Variants in FAM107A observed in about 807,000 individuals in gnomAD.
FAM107A encodes the protein family with sequence similarity 107 member A.
In FAM107A, 19 loss-of-function variants were observed where a neutral mutation model predicts 13.7. The ratio of observed to expected loss-of-function variants is 1.38; its 90% CI spans 0.97 to 2.03. The LOEUF (loss-of-function observed/expected upper bound fraction) is 2.03. FAM107A is among the 30% of genes most tolerant of loss of function. FAM107A has a pLI of 0.00. For synonymous variants in FAM107A, 82 were observed against 74.5 expected (o/e 1.10, Z -0.52); for missense variants, 203 against 184.4 (o/e 1.10, Z -0.58).
At position 58,569,250 on chromosome 3, in the gene FAM107A, G is replaced by A. The variant is rs1243868507; in HGVS notation, c.170+441C>T. Among the ~76,000 whole-genome samples the A allele has an allele frequency of 2.0e-5, 3 of 152,310 alleles. No homozygotes were observed. The highest frequency in any genetic ancestry group is 4.4e-5 in the Non-Finnish European group (3 of 68,018). On this transcript the variant is annotated intron_variant, in intron 2 of 3. Transcript: ENST00000360997. The surrounding 1 kb of genome is among the most constrained non-coding windows in gnomAD (Gnocchi z 5.7). Reference sequence around the variant, plus strand: ...GCTGAGGCAGCACCGCTCCTGTGAAGTCATTTTAGACCCCTCTCGGGTTCC... The same window carrying A: ...GCTGAGGCAGCACCGCTCCTGTGAAATCATTTTAGACCCCTCTCGGGTTCC...
In FAM107A at chr3:58,567,246, C is replaced by G; in HGVS notation, c.289G>C (p.Glu97Gln). ...TGCTGCCGTCTCAGCAGCTCCTGCT[C>G]AAAGGGGCACTGCAGCCGCTTGGCT... ...LEAKRLQCPFEQELLRRQQRL... is the reference protein window; with the variant it reads ...LEAKRLQCPFQQELLRRQQRL... Residue 97 changes from glutamate to glutamine, a missense_variant, in exon 3 of 4, where the codon GAG becomes CAG. Physicochemically the swap from Glu to Gln is conservative, Grantham distance 29. Transcript: ENST00000360997. 6.2e-7 allele frequency: 1 copy of G among 1,614,172 alleles called. No individual in the cohort carries two copies. Among genetic ancestry groups the G allele is most frequent in the Non-Finnish European group, 8.5e-7 (1 of 1,180,020 alleles).
intron 1 of FAM107A, among the ~76,000 whole-genome samples, chr3:58,596,841 C>T (rs763895377): frequency 2.3e-4 from 35 of 152,156 alleles, no homozygotes; most frequent in Admixed American, 7.2e-4. Flanking sequence ...TCAAGACTGA[C>T]TGCACCCCAG....
chr3:58,612,803 G>C (rs1334440638), intron 1 of FAM107A, among the ~76,000 whole-genome samples: 1 of 152,178 alleles, frequency 6.6e-6, no homozygotes, highest in Non-Finnish European at 1.5e-5. Flanking sequence ...ATTGTGGAAA[G>C]TATTGGAAAA....
chr3:58,627,049 C>A, intron 1 of FAM107A: 1 of 1,525,146 alleles, frequency 6.6e-7, no homozygotes, highest in Non-Finnish European at 8.8e-7. Flanking sequence ...CTGGGGTCCT[C>A]CCTGCTGGCG....
intron 1 of FAM107A, among the ~76,000 whole-genome samples, chr3:58,618,681 G>C (rs995347036): frequency 6.6e-6 from 1 of 152,234 alleles, no homozygotes; most frequent in Non-Finnish European, 1.5e-5. Flanking sequence ...CCCAAGGCCC[G>C]AGGATGGGGG....
chr3:58,586,979 C>T (rs1208260769), exon 1 of FAM107A: 5 of 1,494,990 alleles, frequency 3.3e-6, no homozygotes, highest in Non-Finnish European at 4.4e-6. Context: ...GCTGGCCCCG[C>T]GAGCGCACAG....
At chr3:58,574,733 A>T (rs976143189) in intron 1 of FAM107A, among the ~76,000 whole-genome samples, 2 of 152,156 alleles carry the variant, frequency 1.3e-5, no homozygotes, top group Non-Finnish European at 2.9e-5. Context: ...GGGTGGGGAT[A>T]ATAAGGGGTC....
Position 58,564,909 on chromosome 3 carries a change from A to AG in FAM107A, c.*1678_*1679insC, listed in dbSNP as rs1289179539. 1 of 152,288 alleles carries AG rather than the reference A, an allele frequency of 6.6e-6. No individual in the cohort carries two copies. The highest frequency in any genetic ancestry group is 1.5e-5 in the Non-Finnish European group (1 of 68,072). 9.4% of individuals were successfully genotyped at this position (152,288 alleles called of 1,614,324 possible). On this transcript the variant is annotated 3_prime_UTR_variant, in exon 4 of 4. Transcript: ENST00000360997. This position sits in a 1 kb window ranked among gnomAD's most constrained non-coding sequence, Gnocchi z 5.6. The stretch of plus-strand genomic sequence containing the variant: ...GCATTTACAGCCCTGTGCTGGCAGC[A>AG]CACACAGGAAAAGCACGACTTCAGT...
chr3:58,623,759 TC>T (rs966136381), intron 1 of FAM107A, among the ~76,000 whole-genome samples: 1 of 152,172 alleles, frequency 6.6e-6, no homozygotes, highest in African/African-American at 2.4e-5. Flanking sequence ...TTGCTTAACC[TC>T]TCCACGTCTC....
Position 58,622,301 on chromosome 3 carries a change from C to T in FAM107A, c.-70+5115G>A, listed in dbSNP as rs1375728549. On this transcript the variant is annotated intron_variant, in intron 1 of 3. Transcript: ENST00000465970. ...TAAAAATACAAAAAAATTAGCTGGG[C>T]GTGGTGATGCACACCTGTAATCTTA... 7.9e-5 allele frequency among the ~76,000 whole-genome samples: 12 copies of T among 152,122 alleles called. No homozygotes were observed. In the South Asian group the frequency reaches 1.0e-3, roughly 13 times the overall value.
intron 1 of FAM107A, among the ~76,000 whole-genome samples, chr3:58,614,021 G>A (rs1406352889): frequency 1.3e-5 from 2 of 152,186 alleles, no homozygotes; most frequent in African/African-American, 2.4e-5. Flanking sequence ...ACCTGGCTGA[G>A]CCTGGATGGG....
At chr3:58,570,385 T>A in intron 1 of FAM107A, 1 of 985,018 alleles carries the variant, frequency 1.0e-6, no homozygotes, top group Non-Finnish European at 1.2e-6. Flanking sequence ...TTTCTTCACA[T>A]CAAAGAGGAG....
chr3:58,597,166 A>G (rs1356642177), intron 1 of FAM107A, among the ~76,000 whole-genome samples: 1 of 152,234 alleles, frequency 6.6e-6, no homozygotes, highest in Non-Finnish European at 1.5e-5. Flanking sequence ...ACAACTTTCC[A>G]TGAATTTTTG....
chr3:58,572,887 T>C (rs533576084), intron 1 of FAM107A: 13 of 152,342 alleles, frequency 8.5e-5, no homozygotes, highest in African/African-American at 2.9e-4. Flanking sequence ...CCTGTTTGGT[T>C]TGACCTTCTG....
In FAM107A at chr3:58,577,221, T is replaced by G; in HGVS notation, c.-6+88A>C. On this transcript the variant is annotated intron_variant, in intron 1 of 3. Transcript: ENST00000360997. This position sits in a 1 kb window ranked among gnomAD's most constrained non-coding sequence, Gnocchi z 4.9. The stretch of plus-strand genomic sequence containing the variant: ...CAGGTCCACTGACAGCCCACTTCAG[T>G]GTACCGGGTCTGCCCTCCTTCCCTT... The G allele has an allele frequency of 1.7e-6, 1 of 580,340 alleles. No homozygotes were observed. The highest frequency in any genetic ancestry group is 2.2e-6 in the Non-Finnish European group (1 of 459,792). 35.9% of individuals were successfully genotyped at this position (580,340 alleles called of 1,614,324 possible).
chr3:58,565,435 A>ATTTTTTTTTTTTT lies in FAM107A; in HGVS notation c.*1140_*1152dup, dbSNP rs71625690. 2.4e-5 allele frequency: 2 copies of ATTTTTTTTTTTTT among 82,322 alleles called. No homozygotes were observed. Among genetic ancestry groups the ATTTTTTTTTTTTT allele is most frequent in the Non-Finnish European group, 2.2e-5 (1 of 45,298 alleles). The allele number at this position is 82,322 out of a possible 1,614,324, so 5.1% of individuals were successfully genotyped here. On this transcript the variant is annotated 3_prime_UTR_variant, in exon 4 of 4. Coordinates refer to ENST00000360997, the MANE Select transcript of FAM107A (RefSeq NM_001076778.3). The stretch of plus-strand genomic sequence containing the variant: ...GACTAGGAAAAAGTAAAAAAAAAAA[A>ATTTTTTTTTTTTT]TTTTTTTTTTTTTTTTTTTTTTTTT...
At position 58,617,504 on chromosome 3, in the gene FAM107A, C is replaced by A. The variant is rs73076296; in HGVS notation, c.-70+9912G>T. ...AGATTTTAGATGAAAAAGAAAGTTC[C>A]AGCTCCTCGCCTTTCTCTCCGCCCC... On this transcript the variant is annotated intron_variant, in intron 1 of 3. Coordinates refer to the FAM107A transcript ENST00000465970. The surrounding 1 kb of genome is among the most constrained non-coding windows in gnomAD (Gnocchi z 4.5). Among the ~76,000 whole-genome samples the A allele has an allele frequency of 1.3e-3, 200 of 152,152 alleles. 1 individual carries two copies. The highest frequency in any genetic ancestry group is 2.0e-3 in the Non-Finnish European group (133 of 68,004).
intron 1 of FAM107A, among the ~76,000 whole-genome samples, chr3:58,593,580 C>T (rs1575449133): frequency 6.8e-6 from 1 of 147,882 alleles, no homozygotes; most frequent in African/African-American, 2.5e-5. Context: ...TGACGAAGTC[C>T]TTTTTTTTTT....
At chr3:58,588,779 C>T (rs779132707), upstream of FAM107A, among the ~76,000 whole-genome samples, 1 of 152,156 alleles carries the variant, frequency 6.6e-6, no homozygotes, top group Non-Finnish European at 1.5e-5. Flanking sequence ...CCTGCCTCAG[C>T]CTCCCGAGTA....
Sources: allele counts gnomAD v4.1 joint callset (sites outside exome capture counted in the v4.1 genomes callset), GRCh38; gene constraint gnomAD v4.1.1; non-coding constraint Gnocchi (gnomAD v3.1); transcripts MANE v1.5; gene names NCBI Gene and HGNC (gene_info 2026-07-23, HGNC 2026-07-21).